The following SETD5 variants were observed in gnomAD, a reference collection of about 807,000 sequenced individuals.
SETD5 encodes histone-lysine N-methyltransferase SETD5.
SETD5 carries 44 observed loss-of-function variants against 153.3 expected under a neutral mutation model. The observed-to-expected ratio is 0.29, with a 90% CI of 0.23 to 0.37. The LOEUF (loss-of-function observed/expected upper bound fraction) is 0.37. Among genes scored for constraint, SETD5 ranks in the 10% least tolerant of loss-of-function variants. The pLI is 1.00. For missense variants in SETD5, 1,544 were observed against 1,768.0 expected, an observed-to-expected ratio of 0.87 and a Z score of 2.27; for synonymous variants, 716 against 645.2, an observed-to-expected ratio of 1.11 and a Z score of -1.66.
At chr3:9,445,573 TAGAG>T (rs760334361) in intron 12 of SETD5, 80 bp from the exon 13 acceptor site, 1 of 1,212,768 alleles carries the variant, frequency 8.2e-7, no homozygotes, top group Admixed American at 1.9e-5. Flanking sequence ...GAGATTGTTA[TAGAG>T]AGTTTTAAGC....
At position 9,440,701 on chromosome 3, in the gene SETD5, A is replaced by G. The variant is rs372081870; in HGVS notation, c.810+3A>G. Reference sequence around the variant, plus strand: ...CAGTTATTGGTTCCCAAATGCAGGTAAGCACCAAAGGGTTGAGGACTCTCT... The same window carrying G: ...CAGTTATTGGTTCCCAAATGCAGGTGAGCACCAAAGGGTTGAGGACTCTCT... On this transcript the variant is annotated splice_donor_region_variant and intron_variant, in intron 8 of 22. Coordinates refer to ENST00000402198, the MANE Select transcript of SETD5 (RefSeq NM_001080517.3). 7.4e-6 allele frequency: 12 copies of G among 1,612,074 alleles called. No homozygotes were observed. In the African/African-American group the frequency reaches 1.3e-4, roughly 18 times the overall value.
At chr3:9,440,311 T>C (rs1443367855) in intron 7 of SETD5, 145 bp from the exon 8 acceptor site, 1 of 602,404 alleles carries the variant, frequency 1.7e-6, no homozygotes. Context: ...AACCAGATCC[T>C]CTGACTCCCA....
In SETD5 at chr3:9,476,665, T is replaced by A. The variant is rs1418949073; in HGVS notation, c.*574T>A. The A allele has an allele frequency of 1.3e-5, 2 of 152,876 alleles. No homozygotes were observed. The highest frequency in any genetic ancestry group is 3.8e-4 in the East Asian group (2 of 5,198). 9.5% of individuals were successfully genotyped at this position (152,876 alleles called of 1,614,324 possible). A position where few individuals can be genotyped will look rare whatever the true frequency, so the allele number is the denominator to read the frequency against. On this transcript the variant is annotated 3_prime_UTR_variant, in exon 23 of 23. Coordinates refer to ENST00000402198, the MANE Select transcript of SETD5 (RefSeq NM_001080517.3). ...AATACTGTTTATCTTTGTCTTAAGA[T>A]CACCAAGAAATAGGCAAGGATAGTA...
chr3:9,412,782 T>C (rs1377170240), intron 1 of SETD5, among the ~76,000 whole-genome samples: 1 of 151,614 alleles, frequency 6.6e-6, no homozygotes, highest in African/African-American at 2.4e-5. Flanking sequence ...TGAAATGAAA[T>C]GTTATCTGGG....
At chr3:9,422,368 A>G (rs1302131726) in intron 1 of SETD5, among the ~76,000 whole-genome samples, 1 of 152,192 alleles carries the variant, frequency 6.6e-6, no homozygotes, top group Non-Finnish European at 1.5e-5. Flanking sequence ...AAAAATATCT[A>G]TGAAATATAC....
intron 15 of SETD5, 82 bp downstream of exon 15, chr3:9,448,088 G>A (rs1196724706): frequency 2.2e-6 from 3 of 1,373,656 alleles, no homozygotes; most frequent in Non-Finnish European, 2.9e-6. Context: ...ATCCCTAGAA[G>A]AAACTAATCT....
chr3:9,411,482 A>G (rs1450504161), intron 1 of SETD5, among the ~76,000 whole-genome samples: 1 of 152,232 alleles, frequency 6.6e-6, no homozygotes, highest in Non-Finnish European at 1.5e-5. Context: ...TATAGTCTTT[A>G]AAAATACTAA....
In SETD5 at chr3:9,464,492, T is replaced by G. The variant is rs147128913; in HGVS notation, c.2544T>G (p.Leu848=). 1,593 of 1,613,996 alleles carry G rather than the reference T, an allele frequency of 9.9e-4. 30 individuals are homozygous for G. The East Asian group carries it at 0.016, about 17-fold the overall frequency. Residue 848 remains leucine, a synonymous_variant, in exon 18 of 23, where the codon CTT becomes CTG. Transcript: ENST00000402198. ...TGGAGCAGAATGTCACCAAGTTACT[T>G]CGGCCTCTGTCTCCAGTCACACCAC... is the stretch of plus-strand genomic sequence containing the variant. The part of the protein sequence containing the change: ...YLMEQNVTKL[L]RPLSPVTPPP...
rs2045564624 is a variant in SETD5, at chr3:9,473,624, A to G, written c.3497+87A>G. ...TCATTCCCAGTTTTACCTAAAATCT[A>G]TGGGAACACTTGATGGGAACATCTG... On this transcript the variant is annotated intron_variant, in intron 20 of 22. Coordinates refer to ENST00000402198, the MANE Select transcript of SETD5 (RefSeq NM_001080517.3). 6 of 1,339,624 alleles carry G rather than the reference A, an allele frequency of 4.5e-6. No individual in the cohort carries two copies. In the Admixed American group the frequency reaches 6.4e-5, roughly 14 times the overall value. 83.0% of individuals were successfully genotyped at this position (1,339,624 alleles called of 1,614,324 possible).
At chr3:9,402,108 C>T (rs1559338250) in intron 1 of SETD5, among the ~76,000 whole-genome samples, 2 of 152,100 alleles carry the variant, frequency 1.3e-5, no homozygotes, top group African/African-American at 4.8e-5. Flanking sequence ...AATATAGTTT[C>T]CTTCACTTGT....
At chr3:9,464,401 T>C in intron 17 of SETD5, 24 bp from the exon 18 acceptor site, 1 of 1,595,600 alleles carries the variant, frequency 6.3e-7, no homozygotes. Context: ...TTTCAAACTC[T>C]CATCCAAGCT....
chr3:9,447,317 G>C lies in SETD5; in HGVS notation c.1782+10G>C, dbSNP rs2042132909. On this transcript the variant is annotated intron_variant, in intron 14 of 22. Coordinates refer to ENST00000402198, the MANE Select transcript of SETD5 (RefSeq NM_001080517.3). ...GTCTTCCCAAGCAGGGGTAAGAGTT[G>C]AAAAGACTTCAGCACTTAGACATCC... The C allele has an allele frequency of 1.2e-6, 2 of 1,605,942 alleles. No individual in the cohort carries two copies. The highest frequency in any genetic ancestry group is 1.7e-6 in the Non-Finnish European group (2 of 1,177,170).
intron 1 of SETD5, among the ~76,000 whole-genome samples, chr3:9,423,698 TAAATG>T (rs761882855): frequency 3.9e-5 from 6 of 152,222 alleles, no homozygotes; most frequent in Non-Finnish European, 8.8e-5. Flanking sequence ...AACATCAACA[TAAATG>T]AAATGCATGC....
intron 1 of SETD5, among the ~76,000 whole-genome samples, chr3:9,407,608 A>AT (rs1018312901): frequency 1.1e-4 from 17 of 152,160 alleles, no homozygotes; most frequent in African/African-American, 3.6e-4. Flanking sequence ...AGTACACCTC[A>AT]TTTTTTTAAA....
chr3:9,472,252 C>T (rs767381181), intron 19 of SETD5, among the ~76,000 whole-genome samples: 18 of 152,286 alleles, frequency 1.2e-4, no homozygotes, highest in African/African-American at 3.8e-4. Context: ...AAATTCTGTG[C>T]TGGATGTTAA....
In SETD5 at chr3:9,444,946, T is replaced by G. The variant is rs1459415940; in HGVS notation, c.1188-102T>G. On this transcript the variant is annotated intron_variant, in intron 11 of 22. Coordinates refer to ENST00000402198, the MANE Select transcript of SETD5 (RefSeq NM_001080517.3). ...CTGTTTAACTTATTCAGAGACAATATCAGAGGAAGTTACTGTACTGATATT... is the reference window on the plus strand; with the variant it reads ...CTGTTTAACTTATTCAGAGACAATAGCAGAGGAAGTTACTGTACTGATATT... 7.7e-6 allele frequency: 11 copies of G among 1,421,656 alleles called. No individual in the cohort carries two copies. The East Asian group carries it at 2.3e-4, about 30-fold the overall frequency. 88.1% of individuals were successfully genotyped at this position (1,421,656 alleles called of 1,614,324 possible).
chr3:9,457,192 A>C (rs7427361), intron 17 of SETD5, among the ~76,000 whole-genome samples: 1 of 150,806 alleles, frequency 6.6e-6, no homozygotes, highest in Non-Finnish European at 1.5e-5. Context: ...ACTTAGAATT[A>C]ATAATAAGAG....
At chr3:9,406,713 G>A (rs983100320) in intron 1 of SETD5, among the ~76,000 whole-genome samples, 3 of 151,878 alleles carry the variant, frequency 2.0e-5, no homozygotes, top group South Asian at 2.1e-4. Context: ...AGTGTTATTT[G>A]TGGCAAATAG....
chr3:9,445,889 A>C (rs1434842567), intron 13 of SETD5, 149 bp downstream of exon 13: 1 of 386,932 alleles, frequency 2.6e-6, no homozygotes, highest in East Asian at 4.3e-5. Flanking sequence ...ATTTTATTAT[A>C]ATTTTTTTAT....
Sources: allele counts gnomAD v4.1 joint callset (sites outside exome capture counted in the v4.1 genomes callset), GRCh38; gene constraint gnomAD v4.1.1; transcripts MANE v1.5; gene names NCBI Gene and HGNC (gene_info 2026-07-23, HGNC 2026-07-21).